Variants in VPS33B observed in about 807,000 individuals in gnomAD.
VPS33B encodes the protein VPS33B late endosome and lysosome associated.
Under a neutral mutation model 95.3 loss-of-function variants are expected in VPS33B, and 80 were observed. The observed-to-expected ratio is 0.84, with a 90% CI of 0.70 to 1.01. VPS33B has a LOEUF of 1.01. VPS33B is among the 50% of genes least tolerant of loss of function. The probability of loss-of-function intolerance (pLI) is 0.00; values close to 1 mark genes in which losing one functional copy is unlikely to be tolerated. For missense variants in VPS33B, 715 were observed against 773.4 expected (o/e 0.92, Z 0.90); for synonymous variants, 280 against 280.4 (o/e 1.00, Z 0.01).
At chr15:91,014,688 A>G (rs2040874987) in intron 3 of VPS33B, among the ~76,000 whole-genome samples, 2 of 152,212 alleles carry the variant, frequency 1.3e-5, no homozygotes, top group Admixed American at 1.3e-4. Flanking sequence ...CAAATAATTT[A>G]CAATCCAGTG....
chr15:91,020,839 C>A (rs1283103514), intron 1 of VPS33B, among the ~76,000 whole-genome samples: 1 of 152,100 alleles, frequency 6.6e-6, no homozygotes, highest in Admixed American at 6.6e-5. Context: ...CAAGATCGCG[C>A]CACTGCACTC....
rs767637296 is a variant in VPS33B at position 91,013,301 on chromosome 15, G to A, written c.357+503C>T. Reference sequence around the variant, plus strand: ...GGATATGTTAATGAATTGAGGATGCGTTAGTGACAGGTATTAGGTTCAATC... The same window carrying A: ...GGATATGTTAATGAATTGAGGATGCATTAGTGACAGGTATTAGGTTCAATC... On this transcript the variant is annotated intron_variant, in intron 5 of 22. Transcript: ENST00000333371. The surrounding 1 kb of genome is among the most constrained non-coding windows in gnomAD (Gnocchi z 4.5). 1.3e-5 allele frequency among the ~76,000 whole-genome samples: 2 copies of A among 152,210 alleles called. No homozygotes were observed. The highest frequency in any genetic ancestry group is 1.3e-4 in the Admixed American group (2 of 15,282).
chr15:90,998,978 G>C lies in VPS33B; in HGVS notation c.1851C>G (p.Ala617=). 1 of 1,614,098 alleles carries C rather than the reference G, an allele frequency of 6.2e-7. No individual in the cohort carries two copies. The highest frequency in any genetic ancestry group is 8.5e-7 in the Non-Finnish European group (1 of 1,180,010). Residue 617 remains alanine, a synonymous_variant, in exon 23 of 23, where the codon GCC becomes GCG. Transcript: ENST00000333371. This position sits in a 1 kb window ranked among gnomAD's most constrained non-coding sequence, Gnocchi z 4.8. The part of the protein sequence containing the change: ...RLMEAMSEVK[A] Reference sequence around the variant, plus strand: ...TCAACACTGGCCGGGAAAAACATCAGGCTTTCACCTCACTCATGGCCTCCA... The same window carrying C: ...TCAACACTGGCCGGGAAAAACATCACGCTTTCACCTCACTCATGGCCTCCA...
chr15:91,008,031 C>G, intron 6 of VPS33B, 67 bp from the exon 7 acceptor site: 1 of 1,477,310 alleles, frequency 6.8e-7, no homozygotes, highest in Non-Finnish European at 9.5e-7. Context: ...AGGGAAGGTC[C>G]GCCACAAATA....
In VPS33B at chr15:91,005,582, G is replaced by T; in HGVS notation, c.1030+112C>A. The T allele has an allele frequency of 6.4e-7, 1 of 1,572,576 alleles. No individual in the cohort carries two copies. Among genetic ancestry groups the T allele is most frequent in the Non-Finnish European group, 8.8e-7 (1 of 1,142,368 alleles). On this transcript the variant is annotated intron_variant, in intron 13 of 22. Coordinates refer to ENST00000333371, the MANE Select transcript of VPS33B (RefSeq NM_018668.5). The surrounding 1 kb of genome is among the most constrained non-coding windows in gnomAD (Gnocchi z 6.4). ...CTTCTTCCCACTTTACACCAAGTAA[G>T]ACCATATGCATCAGATGAACAGGGA...
chr15:90,998,654 G>C, downstream of VPS33B: 1 of 406,644 alleles, frequency 2.5e-6, no homozygotes, highest in Non-Finnish European at 4.7e-6. The surrounding 1 kb of genome is among the most constrained non-coding windows in gnomAD (Gnocchi z 4.8). Context: ...GGAAGTGCGT[G>C]TCCAGAACGA....
Position 90,998,791 on chromosome 15 carries a change from A to G in VPS33B, c.*184T>C. ...TGTACTTCATAAACAGAAAAGAGAAATATCCTGGGAGCAGGAAGTGAACTC... is the reference window on the plus strand; with the variant it reads ...TGTACTTCATAAACAGAAAAGAGAAGTATCCTGGGAGCAGGAAGTGAACTC... On this transcript the variant is annotated 3_prime_UTR_variant, in exon 23 of 23. Coordinates refer to ENST00000333371, the MANE Select transcript of VPS33B (RefSeq NM_018668.5). This position sits in a 1 kb window ranked among gnomAD's most constrained non-coding sequence, Gnocchi z 4.8. The G allele has an allele frequency of 1.4e-6, 1 of 711,226 alleles. No individual in the cohort carries two copies. 44.1% of individuals were successfully genotyped at this position (711,226 alleles called of 1,614,324 possible).
intron 17 of VPS33B, 42 bp downstream of exon 17, chr15:91,003,043 C>T: frequency 1.2e-6 from 2 of 1,610,104 alleles, no homozygotes; most frequent in Non-Finnish European, 1.7e-6. Context: ...CAATAACTGC[C>T]CTCCATCAAG....
rs5814457 is a variant in VPS33B, at chr15:91,019,809, AT to A, written c.97-1925del. ...AGAGATACATGGAATGTGTAATATA[AT>A]TTTTTTTTTTTTGAGATGGAGTATC... On this transcript the variant is annotated intron_variant, in intron 1 of 22. Transcript: ENST00000333371. 3.2e-3 allele frequency among the ~76,000 whole-genome samples: 479 copies of A among 148,148 alleles called. 2 individuals carry two copies. Among genetic ancestry groups the A allele is most frequent in the African/African-American group, 0.01 (422 of 40,520 alleles).
Position 91,006,930 on chromosome 15 carries a change from GA to G in VPS33B, c.700+19del. 6.2e-7 allele frequency: 1 copy of G among 1,613,796 alleles called. No individual in the cohort carries two copies. Among genetic ancestry groups the G allele is most frequent in the Non-Finnish European group, 8.5e-7 (1 of 1,179,752 alleles). On this transcript the variant is annotated intron_variant, in intron 9 of 22. Coordinates refer to ENST00000333371, the MANE Select transcript of VPS33B (RefSeq NM_018668.5). This position sits in a 1 kb window ranked among gnomAD's most constrained non-coding sequence, Gnocchi z 5.4. ...GTCTTCTAGGGCTGAAAGATGACAGGAACGCTGGGCATAATTTACCTCTGTC... is the reference window on the plus strand; with the variant it reads ...GTCTTCTAGGGCTGAAAGATGACAGGACGCTGGGCATAATTTACCTCTGTC...
At chr15:91,021,266 A>C (rs1169093504) in intron 1 of VPS33B, among the ~76,000 whole-genome samples, 1 of 152,230 alleles carries the variant, frequency 6.6e-6, no homozygotes, top group Non-Finnish European at 1.5e-5. Flanking sequence ...GAATAACTAA[A>C]TGATTACACA....
intron 3 of VPS33B, among the ~76,000 whole-genome samples, chr15:91,016,635 C>T (rs1178347877): frequency 2.0e-5 from 3 of 152,102 alleles, no homozygotes; most frequent in East Asian, 1.9e-4. Context: ...CCGCCCGCCT[C>T]GGCCTCCCAA....
At position 90,999,547 on chromosome 15, in the gene VPS33B, G is replaced by A. The variant is rs2040371941; in HGVS notation, c.1774+130C>T. The A allele has an allele frequency of 1.1e-6, 1 of 943,358 alleles. No individual in the cohort carries two copies. The highest frequency in any genetic ancestry group is 1.6e-5 in the African/African-American group (1 of 62,190). 58.4% of individuals were successfully genotyped at this position (943,358 alleles called of 1,614,324 possible). A position where few individuals can be genotyped will look rare whatever the true frequency, so the allele number is the denominator to read the frequency against. On this transcript the variant is annotated intron_variant, in intron 22 of 22. Transcript: ENST00000333371. The surrounding 1 kb of genome is among the most constrained non-coding windows in gnomAD (Gnocchi z 5.1). ...TTGGTCAGGCTAGGCTCTAACTCCT[G>A]ACCTCAGGTGATCTGCCCGCCTCCG...
chr15:91,007,495 A>C lies in VPS33B; in HGVS notation c.577T>G (p.Cys193Gly), dbSNP rs751557234. ...TTGGCGCACCTGCCAATTCCATAGCAGTTTGGAAAGGGTCCATAGAGAGTG... is the reference window on the plus strand; with the variant it reads ...TTGGCGCACCTGCCAATTCCATAGCCGTTTGGAAAGGGTCCATAGAGAGTG... ...LSTLYGPFPN[C>G]YGIGRCAKMA... Residue 193 changes from cysteine (C) to glycine (G), a missense_variant, in exon 8 of 23, where the codon TGC becomes GGC. By Grantham distance (159) the Cys-to-Gly change is radical. Transcript: ENST00000333371. This position sits in a 1 kb window ranked among gnomAD's most constrained non-coding sequence, Gnocchi z 5.3. 3 of 1,614,240 alleles carry C rather than the reference A, an allele frequency of 1.9e-6. No individual in the cohort carries two copies. The highest frequency in any genetic ancestry group is 2.5e-6 in the Non-Finnish European group (3 of 1,180,034).
chr15:91,004,277 C>T (rs888727119), intron 16 of VPS33B, among the ~76,000 whole-genome samples: 1 of 150,554 alleles, frequency 6.6e-6, no homozygotes, highest in African/African-American at 2.4e-5. Flanking sequence ...GAATATTCAC[C>T]AACTAGAAGA....
chr15:91,014,974 G>A (rs140371871), intron 3 of VPS33B, among the ~76,000 whole-genome samples: 311 of 151,870 alleles, frequency 2.0e-3, no homozygotes, highest in Non-Finnish European at 3.4e-3. Flanking sequence ...GCAGAGGCGC[G>A]TGGATCACCT....
chr15:91,014,293 T>C (rs1001126443), intron 4 of VPS33B, 91 bp downstream of exon 4: 4 of 1,312,330 alleles, frequency 3.0e-6, no homozygotes, highest in Admixed American at 3.4e-5. Context: ...ACTCAAACAA[T>C]TATTTTCTTA....
Position 91,018,009 on chromosome 15 carries a change from G to T in VPS33B, c.97-124C>A. On this transcript the variant is annotated intron_variant, in intron 1 of 22. Transcript: ENST00000333371. This position sits in a 1 kb window ranked among gnomAD's most constrained non-coding sequence, Gnocchi z 4.7. The stretch of plus-strand genomic sequence containing the variant: ...GTGGGAGGGCACTAAGTATCGTCTA[G>T]CCCGTCACCTTATTTATTATCTGTA... 1 of 810,612 alleles carries T rather than the reference G, an allele frequency of 1.2e-6. No individual in the cohort carries two copies. Among genetic ancestry groups the T allele is most frequent in the Non-Finnish European group, 2.1e-6 (1 of 469,002 alleles). 50.2% of individuals were successfully genotyped at this position (810,612 alleles called of 1,614,324 possible).
Position 91,006,262 on chromosome 15 carries a change from C to T in VPS33B, c.852+110G>A, listed in dbSNP as rs183843619. On this transcript the variant is annotated intron_variant, in intron 11 of 22. Transcript: ENST00000333371. This position sits in a 1 kb window ranked among gnomAD's most constrained non-coding sequence, Gnocchi z 5.4. ...GGGGAAACCCTCTCTCCCATAGACT[C>T]AGCCTCCCCTCTCAGAGCTGGGGCC... The T allele has an allele frequency of 4.0e-6, 6 of 1,511,950 alleles. No homozygotes were observed. The highest frequency in any genetic ancestry group is 2.7e-5 in the African/African-American group (2 of 72,822). The allele number at this position is 1,511,950 out of a possible 1,614,324, so 93.7% of individuals were successfully genotyped here.
Sources: gnomAD v4.1 joint callset for allele counts (sites outside exome capture counted in the v4.1 genomes callset) on GRCh38, gnomAD v4.1.1 for gene constraint, Gnocchi (gnomAD v3.1) non-coding constraint, MANE v1.5 for transcripts, NCBI Gene and HGNC (gene_info 2026-07-23, HGNC 2026-07-21) for gene names.